The following LIMCH1 variants were observed in gnomAD, a reference collection of about 807,000 sequenced individuals.
The protein encoded by LIMCH1 is LIM and calponin homology domains 1.
Under a neutral mutation model 176.5 loss-of-function variants are expected in LIMCH1, and 113 were observed. The observed-to-expected ratio is 0.64, with a 90% confidence interval of 0.55 to 0.75. LIMCH1 has a LOEUF of 0.75. Among genes scored for constraint, LIMCH1 ranks in the 30% least tolerant of loss-of-function variants. The pLI is 0.00. For missense variants in LIMCH1, 1,674 were observed against 1,814.9 expected, an observed-to-expected ratio of 0.92 and a Z score of 1.41; for synonymous variants, 619 against 645.9, an observed-to-expected ratio of 0.96 and a Z score of 0.63.
intron 1 of LIMCH1, among the ~76,000 whole-genome samples, chr4:41,372,670 G>A (rs1222837958): frequency 2.0e-5 from 3 of 152,168 alleles, no homozygotes; most frequent in African/African-American, 4.8e-5. Flanking sequence ...TCCAGGAGAA[G>A]CTTCTGTTGC....
intron 1 of LIMCH1, among the ~76,000 whole-genome samples, chr4:41,438,299 G>T (rs959677975): frequency 9.2e-5 from 14 of 152,152 alleles, no homozygotes; most frequent in Admixed American, 2.6e-4. Context: ...ACATCGTCAG[G>T]TGAGTAGTGG....
intron 1 of LIMCH1, among the ~76,000 whole-genome samples, chr4:41,574,704 A>G (rs1216057721): frequency 6.6e-6 from 1 of 152,154 alleles, no homozygotes; most frequent in African/African-American, 2.4e-5. Context: ...AGCTATTAAG[A>G]CTTCAAATGT....
Position 41,467,911 on chromosome 4 carries a change from C to T in LIMCH1, c.97-26625C>T, listed in dbSNP as rs933333824. ...TGTACATTGGAAGCATTGACACGTGCGGGACGCCATTCATACAGCGTCACA... is the reference window on the plus strand; with the variant it reads ...TGTACATTGGAAGCATTGACACGTGTGGGACGCCATTCATACAGCGTCACA... On this transcript the variant is annotated intron_variant, in intron 1 of 26. Coordinates refer to the LIMCH1 transcript ENST00000313860. Among the ~76,000 whole-genome samples the T allele has an allele frequency of 3.3e-5, 5 of 152,162 alleles. No individual in the cohort carries two copies. In the East Asian group the frequency reaches 7.7e-4, roughly 23 times the overall value.
intron 1 of LIMCH1, among the ~76,000 whole-genome samples, chr4:41,574,734 G>A (rs2084168676): frequency 6.6e-6 from 1 of 152,080 alleles, no homozygotes; most frequent in Non-Finnish European, 1.5e-5. Flanking sequence ...ATTCTATTAC[G>A]CTGTTTGCTT....
chr4:41,417,158 G>A (rs1018631826), intron 1 of LIMCH1, among the ~76,000 whole-genome samples: 1 of 150,820 alleles, frequency 6.6e-6, no homozygotes. Flanking sequence ...TATGCTATAG[G>A]CATTGTTTCT....
At chr4:41,411,106 A>G (rs1489014077) in intron 1 of LIMCH1, among the ~76,000 whole-genome samples, 3 of 152,214 alleles carry the variant, frequency 2.0e-5, no homozygotes, top group Admixed American at 1.3e-4. Flanking sequence ...GCATTTTTAC[A>G]GTGTGTATTT....
chr4:41,404,829 A>C (rs2058800182), intron 1 of LIMCH1, among the ~76,000 whole-genome samples: 1 of 152,088 alleles, frequency 6.6e-6, no homozygotes, highest in Admixed American at 6.6e-5. Context: ...GGAGGCAAGG[A>C]CCCAATATGT....
At chr4:41,632,157 C>T (rs2093359866) in intron 10 of LIMCH1, among the ~76,000 whole-genome samples, 1 of 152,172 alleles carries the variant, frequency 6.6e-6, no homozygotes, top group African/African-American at 2.4e-5. Flanking sequence ...GTTCTGTGGG[C>T]TGGTCTGTCT....
intron 1 of LIMCH1, among the ~76,000 whole-genome samples, chr4:41,448,557 T>C (rs1426275690): frequency 3.3e-5 from 5 of 152,194 alleles, no homozygotes; most frequent in African/African-American, 1.2e-4. Context: ...TAAAGATTTT[T>C]TTGGTAACAG....
At chr4:41,396,182 G>A (rs144683648) in intron 1 of LIMCH1, among the ~76,000 whole-genome samples, 1 of 152,168 alleles carries the variant, frequency 6.6e-6, no homozygotes, top group African/African-American at 2.4e-5. Context: ...TCCTGTGTGA[G>A]TTGCATCCTA....
chr4:41,454,450 G>GGGGA (rs554100848), intron 1 of LIMCH1, among the ~76,000 whole-genome samples: 2 of 148,364 alleles, frequency 1.3e-5, no homozygotes, highest in African/African-American at 4.9e-5. Flanking sequence ...ATGATGAGGG[G>GGGGA]GAGAGAGAGA....
chr4:41,380,438 C>T (rs1481143279), intron 1 of LIMCH1, among the ~76,000 whole-genome samples: 1 of 151,968 alleles, frequency 6.6e-6, no homozygotes, highest in African/African-American at 2.4e-5. Flanking sequence ...TGAGCCACTG[C>T]ACCCAGCCTG....
At chr4:41,568,789 A>G (rs1400401040) in intron 1 of LIMCH1, among the ~76,000 whole-genome samples, 1 of 152,244 alleles carries the variant, frequency 6.6e-6, no homozygotes, top group Non-Finnish European at 1.5e-5. Context: ...GATTGCAGAG[A>G]TAAACATTTA....
At chr4:41,633,983 G>T (rs977208982) in intron 13 of LIMCH1, among the ~76,000 whole-genome samples, 175 bp downstream of exon 13, 3 of 152,222 alleles carry the variant, frequency 2.0e-5, no homozygotes, top group Non-Finnish European at 4.4e-5. Context: ...ATGTAAGCAG[G>T]TGTGATTCAG....
intron 1 of LIMCH1, among the ~76,000 whole-genome samples, chr4:41,366,775 G>A (rs2053063629): frequency 6.6e-6 from 1 of 152,196 alleles, no homozygotes; most frequent in African/African-American, 2.4e-5. Context: ...AAAATTCCAT[G>A]TTTGCAATAT....
chr4:41,608,156 A>G (rs1262155595), intron 4 of LIMCH1, among the ~76,000 whole-genome samples: 3 of 152,148 alleles, frequency 2.0e-5, no homozygotes, highest in African/African-American at 7.2e-5. Flanking sequence ...AACAACCTCA[A>G]CCCATGGCTG....
intron 1 of LIMCH1, among the ~76,000 whole-genome samples, chr4:41,572,980 A>T (rs993287883): frequency 6.6e-6 from 1 of 152,238 alleles, no homozygotes; most frequent in African/African-American, 2.4e-5. Context: ...CAGTTTCTGC[A>T]TTAGGGGTTA....
intron 15 of LIMCH1, 104 bp downstream of exon 15, chr4:41,644,730 C>G: frequency 7.2e-7 from 1 of 1,385,734 alleles, no homozygotes; most frequent in South Asian, 1.5e-5. Flanking sequence ...GGAAAGGGAG[C>G]CCCTAGAGGG....
intron 1 of LIMCH1, among the ~76,000 whole-genome samples, chr4:41,382,643 A>G (rs543895254): frequency 2.0e-4 from 31 of 152,222 alleles, no homozygotes; most frequent in African/African-American, 2.6e-4. Context: ...TAACCTGTAC[A>G]TTGCTACCTT....
Sources: allele counts gnomAD v4.1 joint callset (sites outside exome capture counted in the v4.1 genomes callset), GRCh38; gene constraint gnomAD v4.1.1; transcripts MANE v1.5; gene names NCBI Gene and HGNC (gene_info 2026-07-23, HGNC 2026-07-21).